The following UBE2E2 variants were observed in gnomAD, a reference collection of about 807,000 sequenced individuals.
The protein encoded by UBE2E2 is ubiquitin conjugating enzyme E2 E2.
UBE2E2 carries 6 observed loss-of-function variants against 24.7 expected under a neutral mutation model. The ratio of observed to expected loss-of-function variants is 0.24; its 90% CI spans 0.13 to 0.48. UBE2E2 has a LOEUF of 0.48. Ranked by LOEUF, UBE2E2 falls within the 20% of genes least tolerant of loss-of-function variation. The pLI, the probability that UBE2E2 is intolerant of heterozygous loss-of-function variation, is 0.99. For synonymous variants in UBE2E2, 104 were observed against 83.6 expected, an observed-to-expected ratio of 1.24 and a Z score of -1.33; for missense variants, 169 against 245.0, an observed-to-expected ratio of 0.69 and a Z score of 2.07.
At chr3:23,284,890 C>T (rs1698575460) in intron 3 of UBE2E2, among the ~76,000 whole-genome samples, 1 of 150,342 alleles carries the variant, frequency 6.7e-6, no homozygotes, top group Non-Finnish European at 1.5e-5. Flanking sequence ...TGTAGCCACC[C>T]TGTTGTTCTA....
intron 3 of UBE2E2, among the ~76,000 whole-genome samples, chr3:23,223,516 A>G (rs1328377892): frequency 6.6e-6 from 1 of 151,974 alleles, no homozygotes; most frequent in African/African-American, 2.4e-5. Flanking sequence ...ATTGGATTAT[A>G]TATATATATT....
At chr3:23,551,517 T>C (rs1695643408) in intron 5 of UBE2E2, among the ~76,000 whole-genome samples, 1 of 152,212 alleles carries the variant, frequency 6.6e-6, no homozygotes, top group African/African-American at 2.4e-5. Flanking sequence ...ATCATTACTG[T>C]TACTGTAGGA....
intron 5 of UBE2E2, among the ~76,000 whole-genome samples, chr3:23,577,281 G>A (rs1490094780): frequency 1.3e-5 from 2 of 150,700 alleles, no homozygotes; most frequent in East Asian, 3.9e-4. Context: ...GAAAGGAAAA[G>A]TTCTTAAAGA....
intron 3 of UBE2E2, among the ~76,000 whole-genome samples, chr3:23,446,649 T>C (rs890179518): frequency 6.6e-6 from 1 of 150,484 alleles, no homozygotes; most frequent in Non-Finnish European, 1.5e-5. Context: ...CAGTTACTAC[T>C]GGGGATTCTA....
chr3:23,488,930 T>C (rs1699438180), intron 3 of UBE2E2, among the ~76,000 whole-genome samples: 1 of 152,204 alleles, frequency 6.6e-6, no homozygotes. Flanking sequence ...ATTTGAAACA[T>C]GCCCAGGATG....
At chr3:23,356,050 A>G (rs1255626327) in intron 3 of UBE2E2, among the ~76,000 whole-genome samples, 1 of 152,228 alleles carries the variant, frequency 6.6e-6, no homozygotes, top group African/African-American at 2.4e-5. Flanking sequence ...TTAATTGTAT[A>G]GAAAGCTGGG....
intron 3 of UBE2E2, among the ~76,000 whole-genome samples, chr3:23,397,004 A>G (rs1047285889): frequency 3.9e-5 from 6 of 152,146 alleles, no homozygotes; most frequent in Non-Finnish European, 7.3e-5. Context: ...GCTAACTCCC[A>G]TTACATCATT....
intron 3 of UBE2E2, among the ~76,000 whole-genome samples, chr3:23,431,217 A>G (rs1320561614): frequency 6.6e-6 from 1 of 152,242 alleles, no homozygotes; most frequent in South Asian, 2.1e-4. Context: ...GTGAAAAACC[A>G]CTTTGCTATT....
chr3:23,331,369 A>G (rs1274122602), intron 3 of UBE2E2, among the ~76,000 whole-genome samples: 2 of 152,208 alleles, frequency 1.3e-5, no homozygotes, highest in Admixed American at 6.5e-5. Flanking sequence ...AGTACTGCCA[A>G]CCTGGAGTTT....
chr3:23,276,928 C>G (rs1004785739), intron 3 of UBE2E2, among the ~76,000 whole-genome samples: 2 of 151,746 alleles, frequency 1.3e-5, no homozygotes, highest in South Asian at 2.1e-4. Flanking sequence ...AGAGGAAAAA[C>G]TTTTTTTATT....
chr3:23,244,379 A>G (rs560725358), intron 3 of UBE2E2, among the ~76,000 whole-genome samples: 1 of 152,284 alleles, frequency 6.6e-6, no homozygotes, highest in East Asian at 1.9e-4. Flanking sequence ...TTTGTAATAC[A>G]CATTCTTTTA....
chr3:23,326,927 G>A (rs1694906568), intron 3 of UBE2E2, among the ~76,000 whole-genome samples: 1 of 151,898 alleles, frequency 6.6e-6, no homozygotes, highest in South Asian at 2.1e-4. Flanking sequence ...TGCGATGTTT[G>A]GTTTTCTGTC....
At chr3:23,293,957 A>G (rs1698838332) in intron 3 of UBE2E2, among the ~76,000 whole-genome samples, 1 of 152,202 alleles carries the variant, frequency 6.6e-6, no homozygotes, top group African/African-American at 2.4e-5. Flanking sequence ...TCTCTTTAAA[A>G]TAAATATAAT....
rs1438746677 is a variant in UBE2E2, at chr3:23,534,332, T to C, written c.508+1631T>C. On this transcript the variant is annotated intron_variant, in intron 5 of 5. Coordinates refer to ENST00000396703, the MANE Select transcript of UBE2E2 (RefSeq NM_152653.4). Reference sequence around the variant, plus strand: ...AAGACTTCTGTTCAGTGAACTAGTTTTTTTTTTTTGCTCCGTTTCAGAAAA... The same window carrying C: ...AAGACTTCTGTTCAGTGAACTAGTTCTTTTTTTTTGCTCCGTTTCAGAAAA... 4 of 797,720 alleles carry C rather than the reference T, an allele frequency of 5.0e-6. No individual in the cohort carries two copies. The East Asian group carries it at 5.0e-4, about 101-fold the overall frequency. The allele number at this position is 797,720 out of a possible 1,614,324, so 49.4% of individuals were successfully genotyped here. A position where few individuals can be genotyped will look rare whatever the true frequency, so the allele number is the denominator to read the frequency against.
At chr3:23,402,302 G>A (rs1697246620) in intron 3 of UBE2E2, among the ~76,000 whole-genome samples, 3 of 152,114 alleles carry the variant, frequency 2.0e-5, no homozygotes, top group African/African-American at 7.2e-5. Context: ...GTCACACCAG[G>A]ACAAGTTATT....
At chr3:23,207,501 C>T (rs911052311) in intron 1 of UBE2E2, among the ~76,000 whole-genome samples, 5 of 152,112 alleles carry the variant, frequency 3.3e-5, no homozygotes, top group Non-Finnish European at 7.4e-5. Flanking sequence ...TGAATGCTGT[C>T]ATATGGTTCA....
chr3:23,458,628 A>G (rs989210717), intron 3 of UBE2E2, among the ~76,000 whole-genome samples: 6 of 152,138 alleles, frequency 3.9e-5, no homozygotes, highest in Non-Finnish European at 7.3e-5. Context: ...TGTGTTAGCC[A>G]GGATGGTCTC....
At chr3:23,482,836 T>G (rs1056528182) in intron 3 of UBE2E2, among the ~76,000 whole-genome samples, 1 of 152,166 alleles carries the variant, frequency 6.6e-6, no homozygotes, top group Non-Finnish European at 1.5e-5. Flanking sequence ...TTAAAGAAGA[T>G]GATGAATGTG....
chr3:23,542,658 A>G (rs1043807315), intron 5 of UBE2E2, among the ~76,000 whole-genome samples: 1 of 152,174 alleles, frequency 6.6e-6, no homozygotes. Context: ...AAATTGATGT[A>G]TCTTTATTAT....
Sources: gnomAD v4.1 joint callset for allele counts (sites outside exome capture counted in the v4.1 genomes callset) on GRCh38, gnomAD v4.1.1 for gene constraint, MANE v1.5 for transcripts, NCBI Gene and HGNC (gene_info 2026-07-23, HGNC 2026-07-21) for gene names.